SNAP91: variants seen among roughly 807,000 people sequenced by gnomAD.
SNAP91 encodes the protein clathrin coat assembly protein AP180.
Under a neutral mutation model 100.3 loss-of-function variants are expected in SNAP91, and 27 were observed. That is an observed-to-expected ratio of 0.27 (90% CI 0.20 to 0.37). The LOEUF is 0.37. Among genes scored for constraint, SNAP91 ranks in the 10% least tolerant of loss-of-function variants. The probability of loss-of-function intolerance (pLI) is 1.00; values close to 1 mark genes in which losing one functional copy is unlikely to be tolerated. For synonymous variants in SNAP91, 404 were observed against 398.6 expected, an observed-to-expected ratio of 1.01 and a Z score of -0.16; for missense variants, 986 against 1,123.7, an observed-to-expected ratio of 0.88 and a Z score of 1.75.
rs370917546 is a variant in SNAP91 at position 83,593,114 on chromosome 6, T to C, written c.1774+68A>G. 7.9e-5 allele frequency: 120 copies of C among 1,516,674 alleles called. No individual in the cohort carries two copies. In the African/African-American group the frequency reaches 1.6e-3, roughly 20 times the overall value. The allele number at this position is 1,516,674 out of a possible 1,614,324, so 94.0% of individuals were successfully genotyped here. A position where few individuals can be genotyped will look rare whatever the true frequency, so the allele number is the denominator to read the frequency against. ...TAACAAATGCATTATCACAGGTGAG[T>C]ACAAAGAGCTTAATCAGGAAAACAT... On this transcript the variant is annotated intron_variant, in intron 19 of 29. Transcript: ENST00000369694.
chr6:83,674,022 G>A (rs957485182), intron 2 of SNAP91, among the ~76,000 whole-genome samples: 1 of 152,178 alleles, frequency 6.6e-6, no homozygotes, highest in African/African-American at 2.4e-5. Context: ...TAACAGATGG[G>A]AGTTATAGAA....
intron 7 of SNAP91, among the ~76,000 whole-genome samples, chr6:83,649,574 TTTTG>T (rs953031404): frequency 1.9e-4 from 29 of 152,022 alleles, no homozygotes; most frequent in African/African-American, 2.9e-4. Flanking sequence ...TTCATACCTT[TTTTG>T]TTTGTTTGTT....
Position 83,553,977 on chromosome 6 carries a change from A to G in SNAP91, c.*319T>C, listed in dbSNP as rs1774087423. On this transcript the variant is annotated 3_prime_UTR_variant, in exon 30 of 30. Coordinates refer to ENST00000369694, the MANE Select transcript of SNAP91 (RefSeq NM_001242792.2). ...GACGTCTTTCCAAATAGCTCGCCAC[A>G]CAACAGCTGCATCATCTGTCCTCAG... 1 of 152,842 alleles carries G rather than the reference A, an allele frequency of 6.5e-6. No individual in the cohort carries two copies. The highest frequency in any genetic ancestry group is 2.1e-4 in the South Asian group (1 of 4,844). The allele number at this position is 152,842 out of a possible 1,614,324, so 9.5% of individuals were successfully genotyped here.
intron 10 of SNAP91, 68 bp from the exon 11 acceptor site, chr6:83,614,930 T>TA (rs1297087911): frequency 7.7e-6 from 10 of 1,305,952 alleles, no homozygotes; most frequent in Middle Eastern, 2.3e-4. Context: ...TCATTTATTT[T>TA]AAAAAATAGG....
rs188465491 is a variant in SNAP91 at position 83,606,027 on chromosome 6, C to A, written c.1023-224G>T. Among the ~76,000 whole-genome samples, 222 of 152,256 alleles carry A rather than the reference C, an allele frequency of 1.5e-3. 1 individual carries two copies. Among genetic ancestry groups the A allele is most frequent in the African/African-American group, 5.1e-3 (210 of 41,556 alleles). ...TTTTAGACTTTGAGGGCCAGTTGGTCTCTATCATTACTTGACTCTGCTAAT... is the reference window on the plus strand; with the variant it reads ...TTTTAGACTTTGAGGGCCAGTTGGTATCTATCATTACTTGACTCTGCTAAT... On this transcript the variant is annotated intron_variant, in intron 13 of 29. Coordinates refer to ENST00000369694, the MANE Select transcript of SNAP91 (RefSeq NM_001242792.2).
chr6:83,630,375 G>A (rs1344924665), intron 8 of SNAP91, among the ~76,000 whole-genome samples: 1 of 152,030 alleles, frequency 6.6e-6, no homozygotes, highest in Non-Finnish European at 1.5e-5. Context: ...AATGATTTAG[G>A]GAGGGTTTCC....
chr6:83,639,419 TTACTC>T (rs2097585584), intron 8 of SNAP91, among the ~76,000 whole-genome samples: 2 of 152,198 alleles, frequency 1.3e-5, no homozygotes, highest in South Asian at 4.1e-4. Context: ...GATTTAATGT[TTACTC>T]TATTAAAAAT....
chr6:83,706,887 C>T (rs2099389438), intron 2 of SNAP91, among the ~76,000 whole-genome samples: 1 of 152,206 alleles, frequency 6.6e-6, no homozygotes, highest in Admixed American at 6.5e-5. Flanking sequence ...TATGAGAAAC[C>T]TCACCACCCA....
At chr6:83,642,585 A>G (rs1030877682) in intron 7 of SNAP91, among the ~76,000 whole-genome samples, 7 of 152,172 alleles carry the variant, frequency 4.6e-5, no homozygotes, top group African/African-American at 1.7e-4. Flanking sequence ...AATCCAGTCT[A>G]TCATTGTTGG....
At chr6:83,700,800 G>A (rs1481887165) in intron 2 of SNAP91, among the ~76,000 whole-genome samples, 1 of 152,016 alleles carries the variant, frequency 6.6e-6, no homozygotes, top group African/African-American at 2.4e-5. Context: ...GTCTCCCTAT[G>A]TTGCCCAGGC....
chr6:83,588,462 T>C (rs1554220201), intron 22 of SNAP91, among the ~76,000 whole-genome samples: 2 of 152,336 alleles, frequency 1.3e-5, no homozygotes, highest in Non-Finnish European at 2.9e-5. Context: ...TTTAATAAGA[T>C]TTCAGAATAG....
intron 9 of SNAP91, among the ~76,000 whole-genome samples, chr6:83,621,396 G>T (rs937585309): frequency 1.3e-5 from 2 of 152,110 alleles, no homozygotes; most frequent in African/African-American, 4.8e-5. Flanking sequence ...AACAAAAGAA[G>T]AGAATAGAGT....
chr6:83,566,081 G>A (rs778391192), intron 26 of SNAP91, among the ~76,000 whole-genome samples: 1 of 152,044 alleles, frequency 6.6e-6, no homozygotes, highest in Non-Finnish European at 1.5e-5. Context: ...ACAAAATGTG[G>A]TATATCCATA....
intron 22 of SNAP91, 115 bp from the exon 23 acceptor site, chr6:83,582,471 A>G (rs1829894689): frequency 9.2e-7 from 1 of 1,086,182 alleles, no homozygotes; most frequent in Admixed American, 2.9e-5. Context: ...CATGTTGATT[A>G]GCAGTCAGTG....
chr6:83,611,863 A>ATTTTTTTTTTT (rs750966269), intron 11 of SNAP91, among the ~76,000 whole-genome samples: 20 of 91,258 alleles, frequency 2.2e-4, no homozygotes, highest in African/African-American at 5.0e-4. Flanking sequence ...CGCCCGGCTA[A>ATTTTTTTTTTT]TTTTTTTTTT....
At chr6:83,662,026 A>G (rs1218810679) in intron 4 of SNAP91, among the ~76,000 whole-genome samples, 1 of 152,168 alleles carries the variant, frequency 6.6e-6, no homozygotes, top group Non-Finnish European at 1.5e-5. Flanking sequence ...ACATTTCTTT[A>G]AGACTCGAAT....
At chr6:83,652,372 C>CT in intron 7 of SNAP91, among the ~76,000 whole-genome samples, 1 of 152,120 alleles carries the variant, frequency 6.6e-6, no homozygotes. Flanking sequence ...AATTACACTT[C>CT]TTTTTTACTT....
chr6:83,665,406 T>A (rs2098662162), intron 3 of SNAP91, 33 bp downstream of exon 3: 1 of 1,598,478 alleles, frequency 6.3e-7, no homozygotes, highest in Admixed American at 1.7e-5. Context: ...GCCTCCTTCC[T>A]CCATCAAAAA....
intron 26 of SNAP91, among the ~76,000 whole-genome samples, chr6:83,564,537 T>C (rs950554312): frequency 2.0e-5 from 3 of 151,970 alleles, no homozygotes; most frequent in Non-Finnish European, 4.4e-5. Flanking sequence ...TAATTTTATT[T>C]TATTTTTTGT....
Sources: gnomAD v4.1 joint callset for allele counts (sites outside exome capture counted in the v4.1 genomes callset) on GRCh38, gnomAD v4.1.1 for gene constraint, MANE v1.5 for transcripts, NCBI Gene and HGNC (gene_info 2026-07-23, HGNC 2026-07-21) for gene names.